The following KLHL5 variants were observed in gnomAD, a reference collection of about 807,000 sequenced individuals.
KLHL5 encodes the protein kelch-like protein 5.
In KLHL5, 48 loss-of-function variants were observed where a neutral mutation model predicts 77.7. The ratio of observed to expected loss-of-function variants is 0.62; its 90% CI spans 0.49 to 0.79. The LOEUF is 0.79. Ranked by LOEUF, KLHL5 falls within the 30% of genes least tolerant of loss-of-function variation. The probability of loss-of-function intolerance (pLI) is 0.00; values close to 1 mark genes in which losing one functional copy is unlikely to be tolerated. For missense variants in KLHL5, 723 were observed against 859.7 expected, an observed-to-expected ratio of 0.84 and a Z score of 1.99; for synonymous variants, 260 against 297.0, an observed-to-expected ratio of 0.88 and a Z score of 1.28.
At position 39,113,122 on chromosome 4, in the gene KLHL5, A is replaced by T. The variant is rs779654863; in HGVS notation, c.1791A>T (p.Lys597Asn). The T allele has an allele frequency of 1.2e-6, 2 of 1,614,162 alleles. No individual in the cohort carries two copies. Among genetic ancestry groups the T allele is most frequent in the Non-Finnish European group, 1.7e-6 (2 of 1,180,000 alleles). ...GGACACTGTGTGCACAGATGTCAAA[A>T]AGGAGAGGTGGCGTAGGAGTGACGA... The part of the protein sequence containing the change: ...NKWTLCAQMS[K>N]RRGGVGVTTW... The change falls in exon 9 of 11, where the codon AAA becomes AAT. Residue 597 changes from lysine (K) to asparagine (N), a missense_variant. This residue lies in a region of KLHL5 where 214 missense variants were observed against 237.4 expected (regional missense o/e 0.90). Transcript: ENST00000504108.
chr4:39,096,609 C>T, intron 5 of KLHL5, 83 bp from the exon 6 acceptor site: 4 of 905,580 alleles, frequency 4.4e-6, no homozygotes, highest in South Asian at 2.1e-5. Flanking sequence ...ATGTAAAATC[C>T]ATTTGAGAAC....
chr4:39,067,817 A>T (rs1718037059), intron 1 of KLHL5, among the ~76,000 whole-genome samples: 1 of 151,896 alleles, frequency 6.6e-6, no homozygotes, highest in African/African-American at 2.4e-5. Flanking sequence ...AGTAGCTGGG[A>T]TTACAAGCAC....
intron 1 of KLHL5, among the ~76,000 whole-genome samples, chr4:39,056,005 T>A (rs1337935428): frequency 6.6e-6 from 1 of 152,234 alleles, no homozygotes; most frequent in Non-Finnish European, 1.5e-5. Context: ...TACATGGCTT[T>A]TACCATGAAG....
intron 1 of KLHL5, among the ~76,000 whole-genome samples, chr4:39,068,347 A>C (rs1718092285): frequency 6.6e-6 from 1 of 151,916 alleles, no homozygotes; most frequent in Non-Finnish European, 1.5e-5. Flanking sequence ...ATAATATTGC[A>C]TTGTCTCCCC....
chr4:39,139,623 G>C, the KLHL5 span, among the ~76,000 whole-genome samples: 1 of 152,136 alleles, frequency 6.6e-6, no homozygotes, highest in Non-Finnish European at 1.5e-5. Context: ...ACGGGGGAAG[G>C]CTATGCATGT....
At chr4:39,099,243 A>G (rs1262409415) in intron 6 of KLHL5, among the ~76,000 whole-genome samples, 1 of 152,178 alleles carries the variant, frequency 6.6e-6, no homozygotes, top group East Asian at 1.9e-4. Flanking sequence ...AGCTGAAATC[A>G]TACCACTGTA....
At chr4:39,137,585 A>AC in the KLHL5 span, among the ~76,000 whole-genome samples, 14 of 152,318 alleles carry the variant, frequency 9.2e-5, no homozygotes, top group Admixed American at 7.2e-4. Context: ...ACGTTGCTGC[A>AC]CCCCAGCCTG....
intron 4 of KLHL5, 96 bp from the exon 5 acceptor site, chr4:39,086,419 T>G (rs1390883124): frequency 8.0e-6 from 7 of 873,672 alleles, no homozygotes; most frequent in Non-Finnish European, 1.3e-5. Context: ...ATAAATTGTG[T>G]GTTGGTAGCT....
chr4:39,076,211 G>GAAGT, intron 2 of KLHL5, 64 bp downstream of exon 2: 7 of 1,397,822 alleles, frequency 5.0e-6, no homozygotes, highest in Non-Finnish European at 6.9e-6. Flanking sequence ...TATGTATATT[G>GAAGT]AGGTAACCTA....
chr4:39,051,504 A>T (rs1279268035), intron 1 of KLHL5, among the ~76,000 whole-genome samples: 5 of 152,354 alleles, frequency 3.3e-5, no homozygotes, highest in South Asian at 4.1e-4. Flanking sequence ...CTTGGGTTTA[A>T]CTAAACTTCA....
At chr4:39,128,804 T>C (rs548500291), downstream of KLHL5, among the ~76,000 whole-genome samples, 2 of 152,014 alleles carry the variant, frequency 1.3e-5, no homozygotes, top group East Asian at 1.9e-4. Flanking sequence ...TCTACAAATA[T>C]GTTTTTTAAA....
intron 10 of KLHL5, among the ~76,000 whole-genome samples, chr4:39,117,854 C>G (rs1471658423): frequency 6.6e-6 from 1 of 152,108 alleles, no homozygotes; most frequent in African/African-American, 2.4e-5. Flanking sequence ...GTCGGCGGAT[C>G]TTTTGGGGCC....
intron 1 of KLHL5, among the ~76,000 whole-genome samples, chr4:39,049,240 A>T (rs1007141757): frequency 6.6e-6 from 1 of 152,234 alleles, no homozygotes; most frequent in Non-Finnish European, 1.5e-5. Flanking sequence ...AGTGTGTTTA[A>T]ACAGAATTAT....
At chr4:39,086,486 A>C in intron 4 of KLHL5, 29 bp from the exon 5 acceptor site, 1 of 1,552,240 alleles carries the variant, frequency 6.4e-7, no homozygotes, top group Non-Finnish European at 8.9e-7. Context: ...AAGGAACAAT[A>C]TTGTTTATCT....
chr4:39,116,982 G>C (rs768203303), intron 10 of KLHL5, among the ~76,000 whole-genome samples: 2 of 152,046 alleles, frequency 1.3e-5, no homozygotes, highest in South Asian at 4.1e-4. Context: ...GATTACAGGT[G>C]CCCGCCACCA....
intron 1 of KLHL5, among the ~76,000 whole-genome samples, chr4:39,070,883 C>CAT (rs34810996): frequency 0.76 from 114,619 of 151,412 alleles, 43,391 homozygotes; most frequent in East Asian, 0.82. Context: ...AATGTCAAGA[C>CAT]ATTTCAATTC....
chr4:39,096,532 T>G (rs1457309783), intron 5 of KLHL5, among the ~76,000 whole-genome samples, 160 bp from the exon 6 acceptor site: 1 of 152,208 alleles, frequency 6.6e-6, no homozygotes, highest in Non-Finnish European at 1.5e-5. Context: ...AAATTTAAAA[T>G]GTAAATCTTG....
rs1656477999 is a variant in KLHL5, at chr4:39,121,860, T to G, written c.*794T>G. On this transcript the variant is annotated 3_prime_UTR_variant, in exon 11 of 11. Transcript: ENST00000504108. The stretch of plus-strand genomic sequence containing the variant: ...AATCTTTCACCTAATTAGTATTTAA[T>G]TATATGGATTTGTTTTATATTATAA... The G allele has an allele frequency of 6.6e-6, 1 of 152,650 alleles. No individual in the cohort carries two copies. The highest frequency in any genetic ancestry group is 2.1e-4 in the South Asian group (1 of 4,822). 9.5% of individuals were successfully genotyped at this position (152,650 alleles called of 1,614,324 possible). A position where few individuals can be genotyped will look rare whatever the true frequency, so the allele number is the denominator to read the frequency against.
chr4:39,062,370 G>T lies in KLHL5; in HGVS notation c.-283G>T. ...ATGGTCAGTATGGGAAAGGAGAGCC[G>T]GGAAAGTGGTCTAGCTGCTTCAGGA... On this transcript the variant is annotated 5_prime_UTR_variant, in exon 1 of 11. Coordinates refer to ENST00000504108, the MANE Select transcript of KLHL5 (RefSeq NM_015990.5). 2.1e-6 allele frequency: 3 copies of T among 1,438,710 alleles called. No individual in the cohort carries two copies. Among genetic ancestry groups the T allele is most frequent in the Non-Finnish European group, 2.7e-6 (3 of 1,102,776 alleles). 89.1% of individuals were successfully genotyped at this position (1,438,710 alleles called of 1,614,324 possible). A position where few individuals can be genotyped will look rare whatever the true frequency, so the allele number is the denominator to read the frequency against.
Sources: allele counts gnomAD v4.1 joint callset (sites outside exome capture counted in the v4.1 genomes callset), GRCh38; gene constraint gnomAD v4.1.1; regional missense constraint gnomAD v4.1.1; transcripts MANE v1.5; gene names NCBI Gene and HGNC (gene_info 2026-07-23, HGNC 2026-07-21).